Variants in MRS2 observed in about 807,000 individuals in gnomAD.
MRS2 encodes the protein magnesium transporter MRS2 homolog, mitochondrial.
A neutral mutation model predicts 52.6 loss-of-function variants in MRS2; 40 were observed. That is an observed-to-expected ratio of 0.76 (90% CI 0.59 to 0.99). MRS2 has a LOEUF of 0.99. Among genes scored for constraint, MRS2 ranks in the 50% least tolerant of loss-of-function variants. The probability of loss-of-function intolerance (pLI) is 0.00; values close to 1 mark genes in which losing one functional copy is unlikely to be tolerated. For missense variants in MRS2, 472 were observed against 532.7 expected (o/e 0.89, Z 1.12); for synonymous variants, 193 against 195.9 (o/e 0.98, Z 0.13).
At chr6:24,422,298 ATTCC>A (rs1295147402) in intron 9 of MRS2, among the ~76,000 whole-genome samples, 1 of 152,196 alleles carries the variant, frequency 6.6e-6, no homozygotes, top group Non-Finnish European at 1.5e-5. Flanking sequence ...TATAAATGGG[ATTCC>A]TTCCTTGTGA....
Position 24,418,473 on chromosome 6 carries a change from G to A in MRS2, c.1002G>A (p.Val334=). 1 of 1,614,094 alleles carries A rather than the reference G, an allele frequency of 6.2e-7. No individual in the cohort carries two copies. Among genetic ancestry groups the A allele is most frequent in the Non-Finnish European group, 8.5e-7 (1 of 1,180,014 alleles). The part of the protein sequence containing the change: ...IFINLDSHRN[V]MMRLNLQLTM... ...TTCTCCTCTCCAGCCACCGAAACGT[G>A]ATGATGAGGTTGAATCTACAGCTGA... The change falls in exon 9 of 11, where the codon GTG becomes GTA. Residue 334 remains valine, a synonymous_variant. Coordinates refer to ENST00000378386, the MANE Select transcript of MRS2 (RefSeq NM_020662.4).
In MRS2 at chr6:24,403,160, C is replaced by T; in HGVS notation, c.114C>T (p.Ala38=). ...CCTCTGTGGGTCCTCCCGTTGCTGC[C>T]TGCGGCCGCCGAGCCAACCTGATTG... ...DVTSVGPPVA[A]CGRRANLIGR... The change falls in exon 1 of 11, where the codon GCC becomes GCT. Residue 38 remains alanine, a synonymous_variant. Coordinates refer to ENST00000378386, the MANE Select transcript of MRS2 (RefSeq NM_020662.4). 1.2e-6 allele frequency: 2 copies of T among 1,609,344 alleles called. No individual in the cohort carries two copies. Among genetic ancestry groups the T allele is most frequent in the Non-Finnish European group, 8.5e-7 (1 of 1,179,878 alleles).
chr6:24,405,381 C>A, intron 2 of MRS2, 140 bp downstream of exon 2: 1 of 628,072 alleles, frequency 1.6e-6, no homozygotes, highest in Non-Finnish European at 2.8e-6. Context: ...TTGTGCCTGG[C>A]CAGTGACCTA....
rs913667747 is a variant in MRS2 at position 24,416,535 on chromosome 6, GTTAT to G, written c.836+29_836+32del. 11 of 1,146,872 alleles carry G rather than the reference GTTAT, an allele frequency of 9.6e-6. No individual in the cohort carries two copies. The African/African-American group carries it at 1.7e-4, about 18-fold the overall frequency. The allele number at this position is 1,146,872 out of a possible 1,614,324, so 71.0% of individuals were successfully genotyped here. A position where few individuals can be genotyped will look rare whatever the true frequency, so the allele number is the denominator to read the frequency against. ...TCTTGTAAGTATATAATTATACTTT[GTTAT>G]TTATTTCCTTAGAGTAAATCTTTTG... On this transcript the variant is annotated intron_variant, in intron 7 of 10. Transcript: ENST00000378386.
chr6:24,412,490 C>A, intron 5 of MRS2, 95 bp downstream of exon 5: 5 of 913,100 alleles, frequency 5.5e-6, no homozygotes, highest in Non-Finnish European at 8.0e-6. Context: ...AATGGCATGT[C>A]CCCTGACCAC....
intron 9 of MRS2, among the ~76,000 whole-genome samples, chr6:24,419,785 C>T (rs998496510): frequency 3.3e-5 from 5 of 152,362 alleles, no homozygotes; most frequent in Admixed American, 6.5e-5. Flanking sequence ...ATACCAAAGT[C>T]TGTGGGTATT....
In MRS2 at chr6:24,408,419, C is replaced by T. The variant is rs780505998; in HGVS notation, c.276C>T (p.Asp92=). The change falls in exon 3 of 11, where the codon GAC becomes GAT. Residue 92 remains aspartate, a synonymous_variant. Transcript: ENST00000378386. ...TTCTCTATTTTCAGACAAAATTTGA[C>T]AAACAGGGAAACGTTACTTCTTTTG... The part of the protein sequence containing the change: ...VAPVFTVTKF[D]KQGNVTSFER... The T allele has an allele frequency of 6.3e-7, 1 of 1,586,792 alleles. No individual in the cohort carries two copies. The highest frequency in any genetic ancestry group is 1.1e-5 in the South Asian group (1 of 90,006).
chr6:24,414,792 G>A (rs1009599122), intron 5 of MRS2, among the ~76,000 whole-genome samples: 3 of 152,294 alleles, frequency 2.0e-5, no homozygotes, highest in South Asian at 2.1e-4. Context: ...AGACTCTTAC[G>A]AGAGTTAGCT....
Position 24,412,362 on chromosome 6 carries a change from G to A in MRS2, c.555G>A (p.Glu185=), listed in dbSNP as rs1343195978. 3 of 1,587,090 alleles carry A rather than the reference G, an allele frequency of 1.9e-6. No homozygotes were observed. Among genetic ancestry groups the A allele is most frequent in the Non-Finnish European group, 2.6e-6 (3 of 1,169,038 alleles). ...TCGTTACATACCCTTTACCTTTTGA[G>A]TTTAGAGCTATAGAAGCACTCCTGC... ...GQLVTYPLPF[E]FRAIEALLQY... Residue 185 remains glutamate, a synonymous_variant, in exon 5 of 11, where the codon GAG becomes GAA. Coordinates refer to ENST00000378386, the MANE Select transcript of MRS2 (RefSeq NM_020662.4).
rs377667825 is a variant in MRS2, at chr6:24,409,591, C to T, written c.414+18C>T. ...GAATGGAGGTAAAATATTTTATTTT[C>T]ATCTATGTTTCTCCAATACAATCTT... On this transcript the variant is annotated intron_variant, in intron 4 of 10. Coordinates refer to ENST00000378386, the MANE Select transcript of MRS2 (RefSeq NM_020662.4). 44 of 1,419,080 alleles carry T rather than the reference C, an allele frequency of 3.1e-5. No homozygotes were observed. The highest frequency in any genetic ancestry group is 3.9e-5 in the Non-Finnish European group (40 of 1,016,090). The allele number at this position is 1,419,080 out of a possible 1,614,324, so 87.9% of individuals were successfully genotyped here. A position where few individuals can be genotyped will look rare whatever the true frequency, so the allele number is the denominator to read the frequency against.
intron 2 of MRS2, 61 bp downstream of exon 2, chr6:24,405,302 C>G: frequency 8.1e-7 from 1 of 1,232,056 alleles, no homozygotes; most frequent in South Asian, 1.2e-5. Context: ...TAAGTTAACT[C>G]GTTGGACTGT....
Position 24,403,522 on chromosome 6 carries a change from A to G in MRS2, c.190+286A>G, listed in dbSNP as rs142612531. 2.4e-3 allele frequency among the ~76,000 whole-genome samples: 367 copies of G among 152,346 alleles called. 1 individual carries two copies. Among genetic ancestry groups the G allele is most frequent in the African/African-American group, 8.2e-3 (343 of 41,584 alleles). On this transcript the variant is annotated intron_variant, in intron 1 of 10. Transcript: ENST00000378386. The stretch of plus-strand genomic sequence containing the variant: ...GATTATGTAACCATAGGAACAACCT[A>G]GGAATCGTTTACAGACCGTGATCAC...
Position 24,423,034 on chromosome 6 carries a change from C to T in MRS2, c.1205C>T (p.Ala402Val), listed in dbSNP as rs1364661392. ...TCATTCCTTGGACGACAGCTAGAAG[C>T]TCCATTGCCTCCTATGGTATGAAGG... ...LLSFLGRQLE[A>V]PLPPMMASLP... Residue 402 changes from alanine to valine, a missense_variant, in exon 10 of 11, where the codon GCT becomes GTT. Coordinates refer to ENST00000378386, the MANE Select transcript of MRS2 (RefSeq NM_020662.4). The T allele has an allele frequency of 7.4e-6, 12 of 1,613,346 alleles. No individual in the cohort carries two copies. The highest frequency in any genetic ancestry group is 1.0e-5 in the Non-Finnish European group (12 of 1,179,418).
Position 24,418,159 on chromosome 6 carries a change from C to G in MRS2, c.912C>G (p.Asp304Glu). 6.2e-7 allele frequency: 1 copy of G among 1,613,572 alleles called. No homozygotes were observed. Among genetic ancestry groups the G allele is most frequent in the Non-Finnish European group, 8.5e-7 (1 of 1,179,606 alleles). The change falls in exon 8 of 11, where the codon GAC becomes GAG. Residue 304 changes from aspartate to glutamate, a missense_variant. Coordinates refer to ENST00000378386, the MANE Select transcript of MRS2 (RefSeq NM_020662.4). The part of the protein sequence containing the change: ...LLLENYYRLA[D>E]DLSNAARELR... ...TGGAAAACTACTACCGATTGGCTGA[C>G]GATCTCTCCAATGCAGCTCGTGAGC... is the stretch of plus-strand genomic sequence containing the variant.
intron 3 of MRS2, 40 bp from the exon 4 acceptor site, chr6:24,409,421 A>C: frequency 8.0e-7 from 1 of 1,247,234 alleles, no homozygotes; most frequent in South Asian, 1.3e-5. Flanking sequence ...AAGCCATTTA[A>C]TGTATTTGGT....
chr6:24,405,255 G>A lies in MRS2; in HGVS notation c.264+14G>A, dbSNP rs759404234. 8.1e-6 allele frequency: 13 copies of A among 1,596,750 alleles called. No homozygotes were observed. The highest frequency in any genetic ancestry group is 1.3e-5 in the African/African-American group (1 of 74,538). On this transcript the variant is annotated intron_variant, in intron 2 of 10. Coordinates refer to ENST00000378386, the MANE Select transcript of MRS2 (RefSeq NM_020662.4). The stretch of plus-strand genomic sequence containing the variant: ...GTATTTACTGTGGTGAGTATGTACA[G>A]TACATTGGAAATCGTACAGAAAGTG...
rs998490935 is a variant in MRS2, at chr6:24,425,718, G to A, written c.*2024G>A. ...TCATATCGCCTGTCAAACACATCAA[G>A]TGTCGAACACGTCAAGGTGTGATAC... On this transcript the variant is annotated 3_prime_UTR_variant, in exon 11 of 11. Transcript: ENST00000378386. The A allele has an allele frequency of 6.6e-6, 1 of 152,222 alleles. No individual in the cohort carries two copies. The highest frequency in any genetic ancestry group is 1.5e-5 in the Non-Finnish European group (1 of 68,028). The allele number at this position is 152,222 out of a possible 1,614,324, so 9.4% of individuals were successfully genotyped here.
chr6:24,415,023 T>C lies in MRS2; in HGVS notation c.589-10T>C, dbSNP rs1458757488. 1 of 1,587,062 alleles carries C rather than the reference T, an allele frequency of 6.3e-7. No homozygotes were observed. Among genetic ancestry groups the C allele is most frequent in the Non-Finnish European group, 8.6e-7 (1 of 1,161,110 alleles). The stretch of plus-strand genomic sequence containing the variant: ...TTTTAATTCTTATGAAAGGTCATGT[T>C]GTTATCTAGATCAACACCCTTCAGG... On this transcript the variant is annotated splice_polypyrimidine_tract_variant and intron_variant, in intron 5 of 10. Transcript: ENST00000378386.
intron 10 of MRS2, chr6:24,423,312 C>CT (rs1762117353): frequency 2.1e-6 from 1 of 479,602 alleles, no homozygotes; most frequent in African/African-American, 1.9e-5. Flanking sequence ...GTGTAGAACT[C>CT]TGACAACATA....
Sources: gnomAD v4.1 joint callset for allele counts (sites outside exome capture counted in the v4.1 genomes callset) on GRCh38, gnomAD v4.1.1 for gene constraint, MANE v1.5 for transcripts, NCBI Gene and HGNC (gene_info 2026-07-23, HGNC 2026-07-21) for gene names.